Variants in DLGAP5 observed in about 807,000 individuals in gnomAD.
DLGAP5 encodes the protein DLG associated protein 5, also known as disks large-associated protein 5.
Under a neutral mutation model 99.6 loss-of-function variants are expected in DLGAP5, and 90 were observed. That is an observed-to-expected ratio of 0.90 (90% CI 0.76 to 1.08). The LOEUF (loss-of-function observed/expected upper bound fraction) is 1.08. Ranked by LOEUF, DLGAP5 falls within the 50% of genes least tolerant of loss-of-function variation. DLGAP5 has a pLI of 0.00. For missense variants in DLGAP5, 1,036 were observed against 983.5 expected, an observed-to-expected ratio of 1.05 and a Z score of -0.71; for synonymous variants, 311 against 321.3, an observed-to-expected ratio of 0.97 and a Z score of 0.34.
chr14:55,169,592 G>C, intron 11 of DLGAP5, 33 bp from the exon 12 acceptor site: 1 of 1,494,938 alleles, frequency 6.7e-7, no homozygotes, highest in Non-Finnish European at 8.9e-7. Context: ...TAAAATTAAA[G>C]GACAAAACGG....
At chr14:55,170,591 TTGAA>T (rs1882823193) in intron 11 of DLGAP5, 107 bp downstream of exon 11, 1 of 955,382 alleles carries the variant, frequency 1.0e-6, no homozygotes, top group Non-Finnish European at 1.6e-6. Flanking sequence ...TCTTGCTACT[TTGAA>T]TGATAATGAA....
At chr14:55,179,806 G>A (rs1298186075) in intron 6 of DLGAP5, 107 bp from the exon 7 acceptor site, 2 of 849,262 alleles carry the variant, frequency 2.4e-6, no homozygotes, top group African/African-American at 1.8e-5. Flanking sequence ...ATGTCTTGAA[G>A]GATTTTTTTA....
Position 55,175,991 on chromosome 14 carries a change from A to G in DLGAP5, c.1077T>C (p.Ile359=), listed in dbSNP as rs1273227334. The part of the protein sequence containing the change: ...EVDESQATKE[I]LAQKCKTYST... Reference sequence around the variant, plus strand: ...AGTAAGTTTTACATTTTTGTGCCAAAATTTCTTTTGTTGCTTGAGACTCAT... The same window carrying G: ...AGTAAGTTTTACATTTTTGTGCCAAGATTTCTTTTGTTGCTTGAGACTCAT... Residue 359 remains isoleucine (I), a synonymous_variant, in exon 9 of 19, where the codon ATT becomes ATC. Coordinates refer to ENST00000247191, the MANE Select transcript of DLGAP5 (RefSeq NM_014750.5). The G allele has an allele frequency of 2.5e-6, 4 of 1,592,642 alleles. No individual in the cohort carries two copies. The highest frequency in any genetic ancestry group is 1.3e-5 in the African/African-American group (1 of 74,690).
intron 13 of DLGAP5, among the ~76,000 whole-genome samples, chr14:55,162,649 C>A (rs1882488373): frequency 6.6e-6 from 1 of 150,506 alleles, no homozygotes; most frequent in South Asian, 2.1e-4. Flanking sequence ...AAGAATAAAA[C>A]CAACACTCAT....
intron 12 of DLGAP5, among the ~76,000 whole-genome samples, chr14:55,163,463 A>G (rs901787673): frequency 1.3e-5 from 2 of 152,158 alleles, no homozygotes; most frequent in African/African-American, 4.8e-5. Context: ...TGTTTTGGCA[A>G]TTATGAATAA....
At chr14:55,148,501 A>T in intron 18 of DLGAP5, 28 bp from the exon 19 acceptor site, 2 of 1,613,686 alleles carry the variant, frequency 1.2e-6, no homozygotes, top group Non-Finnish European at 1.7e-6. Context: ...AGAAGTCAGT[A>T]AAGTATCCAT....
intron 7 of DLGAP5, 92 bp downstream of exon 7, chr14:55,179,537 T>C: frequency 9.3e-7 from 1 of 1,080,240 alleles, no homozygotes; most frequent in Non-Finnish European, 1.4e-6. Flanking sequence ...GGTTAACCTT[T>C]TGAAGCAGTT....
chr14:55,155,339 C>CT (rs373897179), intron 14 of DLGAP5, among the ~76,000 whole-genome samples: 15 of 144,862 alleles, frequency 1.0e-4, no homozygotes, highest in African/African-American at 1.8e-4. Context: ...CAGAGATAAC[C>CT]TTTTTTTTTG....
Position 55,180,640 on chromosome 14 carries a change from A to G in DLGAP5, c.703+16T>C. ...AAACATTCTAGTTCAGTCACTGATC[A>G]AGGAATAGTTCTCACCATTAGCAGC... On this transcript the variant is annotated intron_variant, in intron 6 of 18. Coordinates refer to ENST00000247191, the MANE Select transcript of DLGAP5 (RefSeq NM_014750.5). The G allele has an allele frequency of 1.9e-6, 3 of 1,613,766 alleles. No individual in the cohort carries two copies. Among genetic ancestry groups the G allele is most frequent in the Non-Finnish European group, 2.5e-6 (3 of 1,179,810 alleles).
intron 18 of DLGAP5, 118 bp from the exon 19 acceptor site, chr14:55,148,591 C>T: frequency 6.4e-7 from 1 of 1,554,398 alleles, no homozygotes; most frequent in South Asian, 1.2e-5. Context: ...CGGTGGTGCA[C>T]ACCTGTAGTC....
chr14:55,181,916 T>C (rs1259248512), intron 4 of DLGAP5, among the ~76,000 whole-genome samples: 1 of 152,220 alleles, frequency 6.6e-6, no homozygotes, highest in East Asian at 1.9e-4. Flanking sequence ...ATCATAGCAA[T>C]GCAAAATATA....
intron 1 of DLGAP5, among the ~76,000 whole-genome samples, chr14:55,189,770 A>C (rs1883549865): frequency 1.3e-5 from 2 of 152,180 alleles, no homozygotes; most frequent in Non-Finnish European, 1.5e-5. Flanking sequence ...TTCACCTAAG[A>C]AGCTCTCCAA....
In DLGAP5 at chr14:55,151,800, T is replaced by C. The variant is rs147229036; in HGVS notation, c.2263A>G (p.Asn755Asp). 1.1e-5 allele frequency: 18 copies of C among 1,613,922 alleles called. No individual in the cohort carries two copies. The highest frequency in any genetic ancestry group is 1.5e-5 in the Non-Finnish European group (18 of 1,179,976). Residue 755 changes from asparagine (N) to aspartate (D), a missense_variant, in exon 17 of 19, where the codon AAT (asparagine) becomes GAT (aspartate). Coordinates refer to ENST00000247191, the MANE Select transcript of DLGAP5 (RefSeq NM_014750.5). ...ACATCCTGTGATGTAATTGAAGAAT[T>C]CAGTTCCATTCCTTCCACAACATCT... is the stretch of plus-strand genomic sequence containing the variant. ...ISDVVEGMEL[N>D]SSITSQDVLM...
chr14:55,186,631 G>T (rs1022768053), intron 2 of DLGAP5, among the ~76,000 whole-genome samples: 1 of 151,812 alleles, frequency 6.6e-6, no homozygotes, highest in South Asian at 2.1e-4. Flanking sequence ...GTTTTCTACA[G>T]ACTACAAATT....
intron 10 of DLGAP5, among the ~76,000 whole-genome samples, chr14:55,173,460 A>G (rs1014262753): frequency 1.3e-5 from 2 of 152,100 alleles, no homozygotes; most frequent in African/African-American, 4.8e-5. Context: ...GTCACTCTCA[A>G]AAAGTATATT....
At chr14:55,183,515 C>A (rs1019565588) in intron 3 of DLGAP5, 45 bp downstream of exon 3, 2 of 1,449,950 alleles carry the variant, frequency 1.4e-6, no homozygotes, top group Non-Finnish European at 1.8e-6. Context: ...GAAGAAAATA[C>A]CAAATAAAAG....
At chr14:55,170,229 G>A (rs1179843200) in intron 11 of DLGAP5, among the ~76,000 whole-genome samples, 1 of 150,820 alleles carries the variant, frequency 6.6e-6, no homozygotes, top group East Asian at 1.9e-4. Context: ...CATACTGACA[G>A]CACATAATTT....
At chr14:55,162,702 A>G (rs924531046) in intron 13 of DLGAP5, among the ~76,000 whole-genome samples, 2 of 152,014 alleles carry the variant, frequency 1.3e-5, no homozygotes, top group Admixed American at 6.6e-5. Flanking sequence ...GGGTACCCCA[A>G]TTCAATCACA....
chr14:55,169,347 A>G, intron 12 of DLGAP5, 52 bp downstream of exon 12: 1 of 1,158,302 alleles, frequency 8.6e-7, no homozygotes, highest in Non-Finnish European at 1.1e-6. Context: ...CTACTTAAAA[A>G]AAAAAAAAAA....
Sources: allele counts gnomAD v4.1 joint callset (sites outside exome capture counted in the v4.1 genomes callset), GRCh38; gene constraint gnomAD v4.1.1; transcripts MANE v1.5; gene names NCBI Gene and HGNC (gene_info 2026-07-23, HGNC 2026-07-21).